PPM1E: variants seen among roughly 807,000 people sequenced by gnomAD.
PPM1E encodes protein phosphatase 1E.
PPM1E carries 20 observed loss-of-function variants against 65.9 expected under a neutral mutation model. That is an observed-to-expected ratio of 0.30 (90% confidence interval 0.21 to 0.44). The LOEUF (loss-of-function observed/expected upper bound fraction) is 0.44. Among genes scored for constraint, PPM1E ranks in the 20% least tolerant of loss-of-function variants. The pLI, the probability that PPM1E is intolerant of heterozygous loss-of-function variation, is 1.00. For missense variants in PPM1E, 713 were observed against 953.1 expected, an observed-to-expected ratio of 0.75 and a Z score of 3.32; for synonymous variants, 352 against 374.9, an observed-to-expected ratio of 0.94 and a Z score of 0.70.
rs768019555 is a variant in PPM1E at position 58,979,961 on chromosome 17, C to CT, written c.1211-12dup. 12 of 1,601,690 alleles carry CT rather than the reference C, an allele frequency of 7.5e-6. No homozygotes were observed. In the Admixed American group the frequency reaches 2.0e-4, roughly 27 times the overall value. ...CAAATGCTAATGATGCCCCTACACT[C>CT]TGCTTCCCGCAGGAGATGCTGAACA... On this transcript the variant is annotated splice_polypyrimidine_tract_variant and intron_variant, in intron 6 of 6. Transcript: ENST00000308249.
chr17:58,758,031 G>A (rs2049785700), intron 1 of PPM1E, among the ~76,000 whole-genome samples: 1 of 152,142 alleles, frequency 6.6e-6, no homozygotes, highest in African/African-American at 2.4e-5. Context: ...TGTTTATTAA[G>A]GGAATTTATC....
Position 58,756,412 on chromosome 17 carries a change from G to C in PPM1E, c.415G>C (p.Glu139Gln). 7.4e-7 allele frequency: 1 copy of C among 1,357,088 alleles called. No individual in the cohort carries two copies. Among genetic ancestry groups the C allele is most frequent in the Non-Finnish European group, 9.5e-7 (1 of 1,058,144 alleles). 84.1% of individuals were successfully genotyped at this position (1,357,088 alleles called of 1,614,324 possible). A position where few individuals can be genotyped will look rare whatever the true frequency, so the allele number is the denominator to read the frequency against. ...GCTGTCAGAGCGCATCACCCGCGAG[G>C]AGGTGGAGGGCGAAAGCCTGGACCT... ...RPLSERITRE[E>Q]VEGESLDLCL... is the part of the protein sequence containing the mutation. The change falls in exon 1 of 7, where the codon GAG (glutamate) becomes CAG (glutamine). Residue 139 changes from glutamate (E) to glutamine (Q), a missense_variant. Glu to Gln is a conservative substitution (Grantham distance 29, BLOSUM62 2). Coordinates refer to ENST00000308249, the MANE Select transcript of PPM1E (RefSeq NM_014906.5).
At chr17:58,780,359 G>A (rs2050039079) in intron 1 of PPM1E, among the ~76,000 whole-genome samples, 1 of 152,154 alleles carries the variant, frequency 6.6e-6, no homozygotes, top group South Asian at 2.1e-4. Flanking sequence ...AATTAGCCAG[G>A]CATGGTGGCA....
chr17:58,969,415 CT>C, intron 3 of PPM1E, 123 bp from the exon 4 acceptor site: 1 of 917,280 alleles, frequency 1.1e-6, no homozygotes, highest in South Asian at 1.4e-5. Flanking sequence ...AACATTTAGT[CT>C]CATTATTCTG....
intron 1 of PPM1E, among the ~76,000 whole-genome samples, chr17:58,765,277 A>G (rs1173322917): frequency 1.3e-5 from 2 of 151,066 alleles, no homozygotes; most frequent in African/African-American, 2.4e-5. Context: ...TTCCTGGTTC[A>G]AGTGATTCTT....
chr17:58,891,832 C>CTTTTTTTTTTTTTTTTTTT (rs5821250), intron 1 of PPM1E, among the ~76,000 whole-genome samples: 2 of 85,460 alleles, frequency 2.3e-5, no homozygotes, highest in Middle Eastern at 0.011. Context: ...TTTTCTTTTT[C>CTTTTTTTTTTTTTTTTTTT]TTTTTTTTTT....
At chr17:58,965,409 C>T (rs1447499377) in intron 2 of PPM1E, among the ~76,000 whole-genome samples, 1 of 152,096 alleles carries the variant, frequency 6.6e-6, no homozygotes, top group Non-Finnish European at 1.5e-5. Flanking sequence ...GAGAGCATTT[C>T]TCCAGCTGGA....
chr17:58,762,669 G>A (rs546891942), intron 1 of PPM1E, among the ~76,000 whole-genome samples: 9 of 152,072 alleles, frequency 5.9e-5, no homozygotes, highest in African/African-American at 2.2e-4. Flanking sequence ...AGGCCGAGGC[G>A]GGCGGATCAC....
intron 2 of PPM1E, among the ~76,000 whole-genome samples, chr17:58,963,341 T>A (rs1398203350): frequency 1.4e-5 from 2 of 144,230 alleles, no homozygotes; most frequent in Non-Finnish European, 3.0e-5. Context: ...GAGCTGAGAA[T>A]GCACCATTGC....
chr17:58,889,544 A>G, intron 1 of PPM1E, among the ~76,000 whole-genome samples: 1 of 152,228 alleles, frequency 6.6e-6, no homozygotes. Flanking sequence ...GGTTGCAGTG[A>G]GCCGAGACCG....
intron 1 of PPM1E, among the ~76,000 whole-genome samples, chr17:58,834,595 C>T (rs2050635960): frequency 6.6e-6 from 1 of 152,114 alleles, no homozygotes; most frequent in Non-Finnish European, 1.5e-5. Flanking sequence ...AGGTCAAGGT[C>T]CATTTTGTCT....
At chr17:58,841,174 G>T (rs2050713921) in intron 1 of PPM1E, among the ~76,000 whole-genome samples, 1 of 152,154 alleles carries the variant, frequency 6.6e-6, no homozygotes, top group Non-Finnish European at 1.5e-5. Context: ...ATAAATGGAA[G>T]TGAATAGACA....
At chr17:58,787,591 G>C (rs1382269375) in intron 1 of PPM1E, among the ~76,000 whole-genome samples, 1 of 151,960 alleles carries the variant, frequency 6.6e-6, no homozygotes, top group Non-Finnish European at 1.5e-5. Context: ...CCATACAGAA[G>C]TTGTTTCACT....
At chr17:58,818,457 A>G (rs947056190) in intron 1 of PPM1E, among the ~76,000 whole-genome samples, 1 of 152,232 alleles carries the variant, frequency 6.6e-6, no homozygotes, top group African/African-American at 2.4e-5. Context: ...TGGAGTTTAC[A>G]GTAAAGATGA....
At chr17:58,935,786 TAGC>T (rs1378150395) in intron 1 of PPM1E, among the ~76,000 whole-genome samples, 3 of 152,184 alleles carry the variant, frequency 2.0e-5, no homozygotes, top group Non-Finnish European at 2.9e-5. Flanking sequence ...ATTATACTGT[TAGC>T]AGCAGTAGGG....
rs527258176 is a variant in PPM1E at position 58,984,673 on chromosome 17, G to A, written c.*3642G>A. The A allele has an allele frequency of 6.6e-6, 1 of 152,656 alleles. No individual in the cohort carries two copies. Among genetic ancestry groups the A allele is most frequent in the African/African-American group, 2.4e-5 (1 of 41,552 alleles). 9.5% of individuals were successfully genotyped at this position (152,656 alleles called of 1,614,324 possible). ...TCTGCAAATAGCTTAAATGTCTCTT[G>A]CAAAACAAAGTAAGATACCACCAGT... On this transcript the variant is annotated 3_prime_UTR_variant, in exon 7 of 7. Coordinates refer to ENST00000308249, the MANE Select transcript of PPM1E (RefSeq NM_014906.5).
chr17:58,760,697 A>G (rs984388532), intron 1 of PPM1E, among the ~76,000 whole-genome samples: 1 of 152,150 alleles, frequency 6.6e-6, no homozygotes, highest in African/African-American at 2.4e-5. Context: ...TTCTGATCCT[A>G]TTGTAAGGGG....
At chr17:58,975,489 TAAAC>T (rs1467740663) in intron 6 of PPM1E, among the ~76,000 whole-genome samples, 2 of 152,154 alleles carry the variant, frequency 1.3e-5, no homozygotes, top group African/African-American at 4.8e-5. Context: ...TAATAAAAAA[TAAAC>T]AATCTAAGAG....
chr17:58,881,698 G>T (rs564021162), intron 1 of PPM1E, among the ~76,000 whole-genome samples: 2 of 151,676 alleles, frequency 1.3e-5, no homozygotes, highest in Non-Finnish European at 2.9e-5. Flanking sequence ...ATAAAAATTA[G>T]CCAGGCATGA....
Sources: gnomAD v4.1 joint callset for allele counts (sites outside exome capture counted in the v4.1 genomes callset) on GRCh38, gnomAD v4.1.1 for gene constraint, MANE v1.5 for transcripts, NCBI Gene and HGNC (gene_info 2026-07-23, HGNC 2026-07-21) for gene names.